The following MECOM variants were observed in gnomAD, a reference collection of about 807,000 sequenced individuals.
MECOM encodes the protein MDS1 and EVI1 complex locus, also known as histone-lysine N-methyltransferase MECOM.
MECOM carries 13 observed loss-of-function variants against 116.3 expected under a neutral mutation model. That is an observed-to-expected ratio of 0.11 (90% CI 0.07 to 0.18). The LOEUF (loss-of-function observed/expected upper bound fraction) is 0.18. Ranked by LOEUF, MECOM falls within the 10% of genes least tolerant of loss-of-function variation. The probability of loss-of-function intolerance (pLI) is 1.00; values close to 1 mark genes in which losing one functional copy is unlikely to be tolerated. For missense variants in MECOM, 1,299 were observed against 1,509.0 expected (o/e 0.86, Z 2.31); for synonymous variants, 528 against 535.2 (o/e 0.99, Z 0.19).
intron 1 of MECOM, among the ~76,000 whole-genome samples, chr3:169,517,292 A>G (rs932125673): frequency 5.3e-5 from 8 of 152,156 alleles, no homozygotes; most frequent in African/African-American, 1.4e-4. Context: ...TAGCTGTTAG[A>G]TTTCAAGTAG....
chr3:169,319,411 C>A (rs1720418557), intron 2 of MECOM, among the ~76,000 whole-genome samples: 1 of 151,826 alleles, frequency 6.6e-6, no homozygotes, highest in African/African-American at 2.4e-5. Context: ...ACACCACACA[C>A]TGGGGCCTGT....
intron 1 of MECOM, among the ~76,000 whole-genome samples, chr3:169,582,604 A>T (rs1232075930): frequency 6.6e-6 from 1 of 152,204 alleles, no homozygotes; most frequent in Non-Finnish European, 1.5e-5. Flanking sequence ...GGCTAATAGC[A>T]GCTCACAGCT....
intron 2 of MECOM, among the ~76,000 whole-genome samples, chr3:169,367,254 C>A (rs1270328722): frequency 6.6e-6 from 1 of 151,948 alleles, no homozygotes; most frequent in Admixed American, 6.6e-5. Context: ...AAGTGAATTG[C>A]AGAAATATAC....
At chr3:169,097,817 T>TAAAAAAAAAAAAAAAACA (rs1722153516) in intron 12 of MECOM, among the ~76,000 whole-genome samples, 1 of 87,194 alleles carries the variant, frequency 1.1e-5, no homozygotes, top group Non-Finnish European at 2.2e-5. Context: ...ACTGTCTATA[T>TAAAAAAAAAAAAAAAACA]AAAAAAAAAA....
intron 1 of MECOM, among the ~76,000 whole-genome samples, chr3:169,442,519 A>G (rs1388579906): frequency 6.6e-6 from 1 of 152,218 alleles, no homozygotes; most frequent in Non-Finnish European, 1.5e-5. Flanking sequence ...AAGTATCCCA[A>G]TTAGGTGGGT....
chr3:169,168,702 T>A lies in MECOM; in HGVS notation c.376-24870A>T, dbSNP rs1047463529. Among the ~76,000 whole-genome samples, 76 of 152,166 alleles carry A rather than the reference T, an allele frequency of 5.0e-4. 1 individual carries two copies. Among genetic ancestry groups the A allele is most frequent in the African/African-American group, 1.8e-3 (75 of 41,554 alleles). ...TGAACCTTATAGTCAGAGGGGGCTA[T>A]AAATAAATAGTATGTTAGTTTTCAT... On this transcript the variant is annotated intron_variant, in intron 2 of 16. Coordinates refer to ENST00000651503, the MANE Select transcript of MECOM (RefSeq NM_004991.4).
chr3:169,247,930 A>C, intron 2 of MECOM, among the ~76,000 whole-genome samples: 1 of 152,238 alleles, frequency 6.6e-6, no homozygotes, highest in East Asian at 1.9e-4. Flanking sequence ...ATTTGGGTCA[A>C]TATGATACCA....
intron 2 of MECOM, among the ~76,000 whole-genome samples, chr3:169,188,813 T>C (rs1747110815): frequency 6.6e-6 from 1 of 152,090 alleles, no homozygotes; most frequent in Non-Finnish European, 1.5e-5. Context: ...GAAACCATTC[T>C]CTTGCTAAGT....
At chr3:169,621,370 A>G (rs952115067) in intron 1 of MECOM, among the ~76,000 whole-genome samples, 17 of 152,214 alleles carry the variant, frequency 1.1e-4, no homozygotes, top group Non-Finnish European at 2.1e-4. Context: ...TGCAGAAAGT[A>G]CTCCATAAAT....
intron 2 of MECOM, chr3:169,147,396 A>G: frequency 2.0e-6 from 2 of 985,496 alleles, no homozygotes; most frequent in African/African-American, 1.7e-5. Context: ...CTCTTTAAAG[A>G]GGATCTGCTC....
chr3:169,221,993 C>T (rs1051326740), intron 2 of MECOM, among the ~76,000 whole-genome samples: 6 of 151,806 alleles, frequency 4.0e-5, no homozygotes, highest in South Asian at 2.1e-4. Context: ...ATTATAGTTG[C>T]GCCATCATGT....
chr3:169,504,910 C>T (rs1755009548), intron 1 of MECOM, among the ~76,000 whole-genome samples: 1 of 152,182 alleles, frequency 6.6e-6, no homozygotes, highest in East Asian at 1.9e-4. Context: ...TTAGCATAGG[C>T]ATAGCTGGCT....
intron 2 of MECOM, among the ~76,000 whole-genome samples, chr3:169,144,437 AAC>A (rs1739093590): frequency 6.6e-6 from 1 of 152,316 alleles, no homozygotes; most frequent in East Asian, 1.9e-4. Context: ...GGTTTTAGTT[AAC>A]ACATGTCAAC....
At chr3:169,152,374 C>G (rs1421650168) in intron 2 of MECOM, among the ~76,000 whole-genome samples, 1 of 152,124 alleles carries the variant, frequency 6.6e-6, no homozygotes, top group South Asian at 2.1e-4. Flanking sequence ...ATCTCCACCT[C>G]AGTAATTTGG....
At chr3:169,191,826 TA>T (rs1234290847) in intron 2 of MECOM, among the ~76,000 whole-genome samples, 2 of 151,982 alleles carry the variant, frequency 1.3e-5, no homozygotes, top group African/African-American at 2.4e-5. Flanking sequence ...TGCTGTGTAA[TA>T]AACAGAGGAG....
intron 2 of MECOM, among the ~76,000 whole-genome samples, chr3:169,319,450 CATT>C (rs1483135636): frequency 1.3e-5 from 2 of 152,034 alleles, no homozygotes; most frequent in African/African-American, 4.8e-5. Context: ...GGAGGGATAA[CATT>C]AGGAGAAATA....
At chr3:169,466,735 A>G (rs1748371620) in intron 1 of MECOM, among the ~76,000 whole-genome samples, 1 of 152,132 alleles carries the variant, frequency 6.6e-6, no homozygotes, top group Non-Finnish European at 1.5e-5. Flanking sequence ...ACAGATACAT[A>G]GAGAGAGATT....
At chr3:169,282,889 A>AT (rs11360418) in intron 2 of MECOM, among the ~76,000 whole-genome samples, 15 of 149,114 alleles carry the variant, frequency 1.0e-4, no homozygotes, top group South Asian at 2.1e-4. Context: ...ACAGTTCTTA[A>AT]TTTTTTTTTT....
At chr3:169,645,360 G>A (rs1298908391) in intron 1 of MECOM, among the ~76,000 whole-genome samples, 1 of 152,016 alleles carries the variant, frequency 6.6e-6, no homozygotes, top group African/African-American at 2.4e-5. Context: ...CCTTTGCATG[G>A]GAAGGTTGGC....
Sources: gnomAD v4.1 joint callset for allele counts (sites outside exome capture counted in the v4.1 genomes callset) on GRCh38, gnomAD v4.1.1 for gene constraint, MANE v1.5 for transcripts, NCBI Gene and HGNC (gene_info 2026-07-23, HGNC 2026-07-21) for gene names.